Variants in LEO1 observed in about 807,000 individuals in gnomAD.
LEO1 encodes RNA polymerase-associated protein LEO1.
Under a neutral mutation model 80.4 loss-of-function variants are expected in LEO1, and 34 were observed. The ratio of observed to expected loss-of-function variants is 0.42; its 90% CI spans 0.32 to 0.56. The LOEUF (loss-of-function observed/expected upper bound fraction) is 0.56, where lower values mean the gene tolerates loss of function less well. Among genes scored for constraint, LEO1 ranks in the 20% least tolerant of loss-of-function variants. The probability of loss-of-function intolerance (pLI) is 0.10; values close to 1 mark genes in which losing one functional copy is unlikely to be tolerated. For synonymous variants in LEO1, 262 were observed against 274.9 expected (o/e 0.95, Z 0.46); for missense variants, 631 against 814.2 (o/e 0.77, Z 2.74).
At chr15:51,943,463 A>G (rs905923870) in intron 11 of LEO1, among the ~76,000 whole-genome samples, 1 of 152,140 alleles carries the variant, frequency 6.6e-6, no homozygotes, top group Non-Finnish European at 1.5e-5. Flanking sequence ...GCACTTTGGG[A>G]GGCTGAGGCA....
Position 51,949,892 on chromosome 15 carries a change from G to T in LEO1, c.1714C>A (p.Pro572Thr). 6.2e-7 allele frequency: 1 copy of T among 1,614,038 alleles called. No homozygotes were observed. The highest frequency in any genetic ancestry group is 8.5e-7 in the Non-Finnish European group (1 of 1,180,016). Residue 572 changes from proline (P) to threonine (T), a missense_variant, in exon 10 of 12, where the codon CCT becomes ACT. Pro to Thr is a conservative substitution (Grantham distance 38, BLOSUM62 -1). Around this residue, in one of 4 missense-constraint regions of LEO1, gnomAD observed 117 missense variants for 163.5 expected, o/e 0.72. Coordinates refer to ENST00000299601, the MANE Select transcript of LEO1 (RefSeq NM_138792.4). ...QRGLSASYLE[P>T]DRYDEEEEGE... ...TCCTCCTCCTCATCGTATCGATCAG[G>T]TTCCAGGTAACTGGCGCTCAGCCCC... is the stretch of plus-strand genomic sequence containing the variant.
intron 11 of LEO1, among the ~76,000 whole-genome samples, chr15:51,938,975 A>G (rs1306011345): frequency 6.6e-6 from 1 of 152,208 alleles, no homozygotes; most frequent in Non-Finnish European, 1.5e-5. Context: ...ACCTGAGGTC[A>G]GGAGTTTGAG....
chr15:51,952,465 C>T (rs1482717123), intron 8 of LEO1, among the ~76,000 whole-genome samples: 2 of 152,088 alleles, frequency 1.3e-5, no homozygotes, highest in East Asian at 3.8e-4. Flanking sequence ...ATTCCAAAGC[C>T]TGTATGTTAA....
chr15:51,956,422 CAAA>C (rs34613118), intron 6 of LEO1, among the ~76,000 whole-genome samples: 2 of 78,582 alleles, frequency 2.5e-5, no homozygotes, highest in Admixed American at 1.4e-4. Flanking sequence ...GACTCCATCT[CAAA>C]AAAAAAAAAA....
chr15:51,960,838 A>G, intron 3 of LEO1, 105 bp from the exon 4 acceptor site: 1 of 675,474 alleles, frequency 1.5e-6, no homozygotes, highest in Non-Finnish European at 2.6e-6. Flanking sequence ...CAGCATCAGA[A>G]AACCACCAAA....
At position 51,966,430 on chromosome 15, in the gene LEO1, T is replaced by C; in HGVS notation, c.133A>G (p.Ser45Gly). ...ASGSNASGSE[S>G]DQDERGDSGQ... Reference sequence around the variant, plus strand: ...GAATCACCTCTTTCATCCTGATCACTTTCACTTCCAGAGGCATTACTGCCA... The same window carrying C: ...GAATCACCTCTTTCATCCTGATCACCTTCACTTCCAGAGGCATTACTGCCA... The change falls in exon 2 of 12, where the codon AGT (serine) becomes GGT (glycine). Residue 45 changes from serine to glycine, a missense_variant. Around this residue, in one of 4 missense-constraint regions of LEO1, gnomAD observed 394 missense variants for 395.6 expected, o/e 1.00. Transcript: ENST00000299601. 1 of 1,614,092 alleles carries C rather than the reference T, an allele frequency of 6.2e-7. No homozygotes were observed. The highest frequency in any genetic ancestry group is 8.5e-7 in the Non-Finnish European group (1 of 1,179,952).
chr15:51,945,262 C>CAAAAAAAAAAAAAAAAAAAAAAAAAAA lies in LEO1; in HGVS notation c.1896+2029_1896+2030insTTTTTTTTTTTTTTTTTTTTTTTTTTT, dbSNP rs71130110. On this transcript the variant is annotated intron_variant, in intron 11 of 11. Transcript: ENST00000299601. The stretch of plus-strand genomic sequence containing the variant: ...TGAAACCCCATCTCTACAAAAAATA[C>CAAAAAAAAAAAAAAAAAAAAAAAAAAA]AAAAAAAAAAAAAAAAAGCCTTACA... 1.1e-4 allele frequency among the ~76,000 whole-genome samples: 9 copies of CAAAAAAAAAAAAAAAAAAAAAAAAAAA among 80,358 alleles called. 3 individuals carry two copies. Among genetic ancestry groups the CAAAAAAAAAAAAAAAAAAAAAAAAAAA allele is most frequent in the South Asian group, 5.0e-4 (1 of 1,986 alleles). The allele number at this position is 80,358 out of a possible 152,430, so 52.7% of individuals were successfully genotyped here.
chr15:51,962,921 A>ACATG (rs1167420542), intron 2 of LEO1, among the ~76,000 whole-genome samples: 2 of 122,588 alleles, frequency 1.6e-5, no homozygotes, highest in East Asian at 4.7e-4. Flanking sequence ...TACATGCAGA[A>ACATG]CATGCCCCCC....
At position 51,965,966 on chromosome 15, in the gene LEO1, A is replaced by G; in HGVS notation, c.597T>C (p.Asp199=). Residue 199 remains aspartate, a synonymous_variant, in exon 2 of 12, where the codon GAT becomes GAC. Coordinates refer to ENST00000299601, the MANE Select transcript of LEO1 (RefSeq NM_138792.4). ...DDEERPQLSD[D]ERQQLSEEEK... is the part of the protein sequence containing the mutation. ...CCTCCTCAGATAGCTGTTGTCTCTC[A>G]TCATCGGAAAGCTGAGGCCTCTCCT... is the stretch of plus-strand genomic sequence containing the variant. The G allele has an allele frequency of 6.2e-7, 1 of 1,613,964 alleles. No homozygotes were observed. The highest frequency in any genetic ancestry group is 8.5e-7 in the Non-Finnish European group (1 of 1,179,896).
At chr15:51,946,082 G>A (rs2056898820) in intron 11 of LEO1, among the ~76,000 whole-genome samples, 1 of 151,904 alleles carries the variant, frequency 6.6e-6, no homozygotes, top group Non-Finnish European at 1.5e-5. Flanking sequence ...CTTATAATAT[G>A]AAAAAGATGC....
intron 11 of LEO1, among the ~76,000 whole-genome samples, chr15:51,940,233 C>T (rs369739431): frequency 9.4e-5 from 11 of 117,010 alleles, no homozygotes; most frequent in African/African-American, 2.4e-4. Context: ...CCAGCCTGGG[C>T]GACAGAGGGA....
At chr15:51,948,847 T>C (rs774625688) in intron 10 of LEO1, among the ~76,000 whole-genome samples, 35 of 152,292 alleles carry the variant, frequency 2.3e-4, no homozygotes, top group Admixed American at 5.2e-4. Flanking sequence ...GCTACTGGCT[T>C]GGGGGAACCC....
intron 4 of LEO1, 66 bp downstream of exon 4, chr15:51,960,573 G>T: frequency 2.3e-6 from 2 of 859,338 alleles, no homozygotes; most frequent in East Asian, 2.4e-5. Flanking sequence ...CTGGAATAAG[G>T]GAGACTCTTC....
intron 11 of LEO1, among the ~76,000 whole-genome samples, chr15:51,943,368 A>T (rs2056872152): frequency 6.7e-6 from 1 of 149,228 alleles, no homozygotes; most frequent in Non-Finnish European, 1.5e-5. Flanking sequence ...GACAGTGTGA[A>T]AATCCATCTC....
intron 10 of LEO1, among the ~76,000 whole-genome samples, chr15:51,948,888 C>T (rs759590477): frequency 5.9e-5 from 9 of 152,184 alleles, no homozygotes; most frequent in Non-Finnish European, 1.2e-4. Flanking sequence ...TGCAGAGTCA[C>T]GGCTGGGACA....
chr15:51,945,864 C>T (rs141246980), intron 11 of LEO1, among the ~76,000 whole-genome samples: 45 of 151,954 alleles, frequency 3.0e-4, no homozygotes, highest in African/African-American at 9.7e-4. Flanking sequence ...GAAACCCCAT[C>T]CCTACTAAAA....
At chr15:51,954,381 C>T in intron 7 of LEO1, 100 bp downstream of exon 7, 1 of 747,338 alleles carries the variant, frequency 1.3e-6, no homozygotes, top group Non-Finnish European at 2.3e-6. Flanking sequence ...GACCCCATTT[C>T]TAAAACTAAT....
chr15:51,949,795 A>G lies in LEO1; in HGVS notation c.1798+13T>C. ...CCCGAAATGATGAAATGTAATTTCC[A>G]TACACGACTCACCTCGAATGCCCCC... is the stretch of plus-strand genomic sequence containing the variant. On this transcript the variant is annotated intron_variant, in intron 10 of 11. Transcript: ENST00000299601. 1 of 1,609,612 alleles carries G rather than the reference A, an allele frequency of 6.2e-7. No individual in the cohort carries two copies.
chr15:51,943,889 T>A (rs953916688), intron 11 of LEO1, among the ~76,000 whole-genome samples: 1 of 151,638 alleles, frequency 6.6e-6, no homozygotes, highest in African/African-American at 2.4e-5. Flanking sequence ...ATCAGCAGAC[T>A]TGATGGATCG....
Sources: allele counts gnomAD v4.1 joint callset (sites outside exome capture counted in the v4.1 genomes callset), GRCh38; gene constraint gnomAD v4.1.1; regional missense constraint gnomAD v4.1.1; transcripts MANE v1.5; gene names NCBI Gene and HGNC (gene_info 2026-07-23, HGNC 2026-07-21).